CEP83: variants seen among roughly 807,000 people sequenced by gnomAD.
The protein encoded by CEP83 is centrosomal protein 83.
A neutral mutation model predicts 101.9 loss-of-function variants in CEP83; 70 were observed. The observed-to-expected ratio is 0.69, with a 90% CI of 0.57 to 0.84. The LOEUF (loss-of-function observed/expected upper bound fraction) is 0.84. CEP83 is among the 40% of genes least tolerant of loss of function. The pLI is 0.00. For missense variants in CEP83, 715 were observed against 787.2 expected, an observed-to-expected ratio of 0.91 and a Z score of 1.10; for synonymous variants, 264 against 267.9, an observed-to-expected ratio of 0.99 and a Z score of 0.14.
At chr12:94,294,400 G>C in the CEP83 span, 1 of 646,580 alleles carries the variant, frequency 1.5e-6, no homozygotes. Context: ...CAGCATGTAA[G>C]ATCCATCCAG....
rs1064794347 is a variant in CEP83 at position 94,368,182 on chromosome 12, T to TTA, written c.1067_1068insTA (p.Glu356AspfsTer15). ...GATGTTCAACAGCTGCTTTGAGAAT[T>TTA]TCATTGTCTGACTGTAATCCTAGTG... On this transcript the variant is annotated frameshift_variant, in exon 10 of 17. Coordinates refer to ENST00000397809, the MANE Select transcript of CEP83 (RefSeq NM_016122.3). LOFTEE classifies it high-confidence loss of function. 3.7e-6 allele frequency: 6 copies of TTA among 1,612,376 alleles called. No individual in the cohort carries two copies. The Admixed American group carries it at 5.0e-5, about 13-fold the overall frequency.
Position 94,413,909 on chromosome 12 carries a change from G to C in CEP83, c.-101-1318C>G, listed in dbSNP as rs78712366. Among the ~76,000 whole-genome samples, 46 of 148,282 alleles carry C rather than the reference G, an allele frequency of 3.1e-4. 1 individual carries two copies. The highest frequency in any genetic ancestry group is 1.1e-3 in the African/African-American group (44 of 40,142). ...CCTGATAGAATCTTCCTTAGCCATG[G>C]GTTATTACAAATCACTTCTTATAAC... On this transcript the variant is annotated intron_variant, in intron 2 of 16. Transcript: ENST00000397809.
intron 1 of CEP83, among the ~76,000 whole-genome samples, chr12:94,456,873 T>C (rs1019687963): frequency 6.6e-6 from 1 of 152,206 alleles, no homozygotes; most frequent in African/African-American, 2.4e-5. Flanking sequence ...ATACAGCTCA[T>C]CGAGATCTGA....
In CEP83 at chr12:94,413,671, T is replaced by C. The variant is rs568019031; in HGVS notation, c.-101-1080A>G. 2.4e-4 allele frequency among the ~76,000 whole-genome samples: 36 copies of C among 152,284 alleles called. 1 individual carries two copies. The highest frequency in any genetic ancestry group is 2.2e-3 in the Admixed American group (33 of 15,296). On this transcript the variant is annotated intron_variant, in intron 2 of 16. Transcript: ENST00000397809. Reference sequence around the variant, plus strand: ...TGTGTTAAGAAAACTAAATCTCACCTATCTCCAAAAGCACTGACTCAGTAT... The same window carrying C: ...TGTGTTAAGAAAACTAAATCTCACCCATCTCCAAAAGCACTGACTCAGTAT...
chr12:94,400,912 C>A lies in CEP83; in HGVS notation c.487G>T (p.Glu163Ter). Reference protein sequence around the residue: ...YEHTFLKSEFEHQKEEYARIL... With the variant: ...YEHTFLKSEF ...CGTGCATACTCTTCCTTCTGGTGTTCAAATTCTGACTTGAGAAATGTATGT... is the reference window on the plus strand; with the variant it reads ...CGTGCATACTCTTCCTTCTGGTGTTAAAATTCTGACTTGAGAAATGTATGT... The change falls in exon 6 of 17, where the codon GAA becomes TAA. Residue 163 changes from glutamate to a stop codon, truncating the protein, a stop_gained. Coordinates refer to ENST00000397809, the MANE Select transcript of CEP83 (RefSeq NM_016122.3). LOFTEE classifies it high-confidence loss of function. 1 of 1,515,810 alleles carries A rather than the reference C, an allele frequency of 6.6e-7. No individual in the cohort carries two copies. Among genetic ancestry groups the A allele is most frequent in the South Asian group, 1.4e-5 (1 of 71,108 alleles). 93.9% of individuals were successfully genotyped at this position (1,515,810 alleles called of 1,614,324 possible). A position where few individuals can be genotyped will look rare whatever the true frequency, so the allele number is the denominator to read the frequency against.
chr12:94,292,997 A>T, the CEP83 span, among the ~76,000 whole-genome samples: 13 of 152,278 alleles, frequency 8.5e-5, no homozygotes, highest in Non-Finnish European at 1.6e-4. Context: ...TTTCCTAATC[A>T]CTACCGCTGC....
chr12:94,439,254 TG>T (rs1284592018), intron 1 of CEP83, among the ~76,000 whole-genome samples: 9 of 152,170 alleles, frequency 5.9e-5, no homozygotes, highest in African/African-American at 2.2e-4. Context: ...GCTGGCTCTT[TG>T]AAAAGACAAA....
At chr12:94,430,703 T>C (rs1277751956) in intron 2 of CEP83, among the ~76,000 whole-genome samples, 2 of 152,164 alleles carry the variant, frequency 1.3e-5, no homozygotes, top group African/African-American at 4.8e-5. Flanking sequence ...ACCTACTTAA[T>C]GAAATAACAG....
At chr12:94,310,192 G>C (rs1969633824) in intron 15 of CEP83, 85 bp from the exon 16 acceptor site, 3 of 543,998 alleles carry the variant, frequency 5.5e-6, no homozygotes, top group Non-Finnish European at 9.0e-6. Context: ...TTTTAAACTG[G>C]AATTTCTAAA....
chr12:94,449,247 C>T (rs1245737239), intron 1 of CEP83, among the ~76,000 whole-genome samples: 1 of 151,966 alleles, frequency 6.6e-6, no homozygotes, highest in African/African-American at 2.4e-5. Flanking sequence ...CTGAATAGAC[C>T]TATAACAAGA....
chr12:94,282,215 A>G, the CEP83 span: 1 of 879,566 alleles, frequency 1.1e-6, no homozygotes, highest in Non-Finnish European at 1.9e-6. Flanking sequence ...ACTTTATTCA[A>G]GTTTTAGTTA....
chr12:94,313,267 T>G (rs1403665273), intron 14 of CEP83: 1 of 246,644 alleles, frequency 4.1e-6, no homozygotes, highest in Non-Finnish European at 7.6e-6. Flanking sequence ...CAATAATTGC[T>G]GCAAAAAAAA....
intron 4 of CEP83, among the ~76,000 whole-genome samples, chr12:94,407,472 A>T (rs2063614129): frequency 6.6e-6 from 1 of 152,184 alleles, no homozygotes; most frequent in African/African-American, 2.4e-5. Flanking sequence ...CTAGCATTAT[A>T]TGTTCAATTA....
chr12:94,455,129 C>T (rs974692705), intron 1 of CEP83, among the ~76,000 whole-genome samples: 3 of 152,152 alleles, frequency 2.0e-5, no homozygotes, highest in African/African-American at 4.8e-5. Flanking sequence ...GAACCAATTC[C>T]GGACACATTA....
At chr12:94,338,999 T>C (rs1187089028) in intron 11 of CEP83, among the ~76,000 whole-genome samples, 1 of 151,818 alleles carries the variant, frequency 6.6e-6, no homozygotes, top group African/African-American at 2.4e-5. Context: ...AGTTTCACTC[T>C]TGTTGCCCAG....
At chr12:94,336,439 T>C (rs967534193) in intron 11 of CEP83, among the ~76,000 whole-genome samples, 2 of 152,208 alleles carry the variant, frequency 1.3e-5, no homozygotes, top group Non-Finnish European at 2.9e-5. Flanking sequence ...TTGGTATTAT[T>C]AGCATGTCTT....
chr12:94,344,409 CAAAGT>C (rs939385746), intron 11 of CEP83, among the ~76,000 whole-genome samples: 8 of 152,096 alleles, frequency 5.3e-5, no homozygotes, highest in African/African-American at 1.7e-4. Context: ...ACCAAATGAA[CAAAGT>C]AAACTAAAAG....
chr12:94,280,060 G>A, the CEP83 span: 1 of 342,480 alleles, frequency 2.9e-6, no homozygotes, highest in East Asian at 7.9e-5. Flanking sequence ...ATTACTGGGT[G>A]GCTCAGACTC....
At chr12:94,290,383 G>C in the CEP83 span, among the ~76,000 whole-genome samples, 1 of 152,352 alleles carries the variant, frequency 6.6e-6, no homozygotes, top group Admixed American at 6.5e-5. Context: ...AGCAAACAAT[G>C]AATAGCTCAA....
Sources: allele counts gnomAD v4.1 joint callset (sites outside exome capture counted in the v4.1 genomes callset), GRCh38; gene constraint gnomAD v4.1.1; transcripts MANE v1.5; gene names NCBI Gene and HGNC (gene_info 2026-07-23, HGNC 2026-07-21).